RHBDF2: variants seen among roughly 807,000 people sequenced by gnomAD.
RHBDF2 encodes inactive rhomboid protein 2.
RHBDF2 carries 38 observed loss-of-function variants against 95.2 expected under a neutral mutation model. That is an observed-to-expected ratio of 0.40 (90% CI 0.31 to 0.52). The LOEUF (loss-of-function observed/expected upper bound fraction) is 0.52. RHBDF2 is among the 20% of genes least tolerant of loss of function. The pLI, the probability that RHBDF2 is intolerant of heterozygous loss-of-function variation, is 0.56. For missense variants in RHBDF2, 863 were observed against 1,137.7 expected, an observed-to-expected ratio of 0.76 and a Z score of 3.47; for synonymous variants, 442 against 462.0, an observed-to-expected ratio of 0.96 and a Z score of 0.55.
intron 16 of RHBDF2, 43 bp downstream of exon 16, chr17:76,473,209 C>T (rs977275096): frequency 6.3e-7 from 1 of 1,599,328 alleles, no homozygotes. Context: ...GCTGCCATGC[C>T]CAGCGTCCTC....
intron 1 of RHBDF2, among the ~76,000 whole-genome samples, chr17:76,492,543 T>TC (rs1261958632): frequency 2.0e-5 from 3 of 150,618 alleles, no homozygotes; most frequent in East Asian, 3.9e-4. Flanking sequence ...GGTACAAGGG[T>TC]CCCCCCGCCA....
chr17:76,479,546 T>G (rs2073882923), intron 4 of RHBDF2, 187 bp downstream of exon 4: 1 of 738,948 alleles, frequency 1.4e-6, no homozygotes, highest in Non-Finnish European at 2.4e-6. Flanking sequence ...ACCGTGATAT[T>G]CCGCAAAGCA....
At chr17:76,491,441 G>A (rs568466306) in intron 1 of RHBDF2, among the ~76,000 whole-genome samples, 1 of 152,004 alleles carries the variant, frequency 6.6e-6, no homozygotes, top group Admixed American at 6.6e-5. Flanking sequence ...TTGGGGGGGG[G>A]TCCCGAAGAG....
At chr17:76,495,008 A>G (rs1315608256) in intron 1 of RHBDF2, among the ~76,000 whole-genome samples, 2 of 151,122 alleles carry the variant, frequency 1.3e-5, no homozygotes, top group Non-Finnish European at 2.9e-5. Flanking sequence ...GGCCCTGTCC[A>G]TTTGGGGTCA....
chr17:76,476,765 C>T, intron 9 of RHBDF2, 65 bp downstream of exon 9: 1 of 1,498,920 alleles, frequency 6.7e-7, no homozygotes, highest in Non-Finnish European at 8.9e-7. Context: ...GGGGGCGCTT[C>T]AGGAGGGCCC....
chr17:76,474,594 A>AT (rs1386000513), intron 11 of RHBDF2, 60 bp from the exon 12 acceptor site: 2 of 1,610,524 alleles, frequency 1.2e-6, no homozygotes, highest in Non-Finnish European at 1.7e-6. Context: ...GGAGGGGTCC[A>AT]TCACTCCACC....
chr17:76,473,556 T>C, intron 15 of RHBDF2, 92 bp downstream of exon 15: 4 of 1,138,154 alleles, frequency 3.5e-6, no homozygotes, highest in Non-Finnish European at 5.1e-6. Flanking sequence ...CCAGCGGCTG[T>C]GGGTGGTGAC....
At chr17:76,490,754 A>G (rs2074274955) in intron 1 of RHBDF2, among the ~76,000 whole-genome samples, 1 of 151,940 alleles carries the variant, frequency 6.6e-6, no homozygotes. Flanking sequence ...GCCATCCCCA[A>G]GCTCTCACCT....
At position 76,474,128 on chromosome 17, in the gene RHBDF2, A is replaced by G. The variant is rs756109737; in HGVS notation, c.1479T>C (p.Thr493=). 1.9e-6 allele frequency: 3 copies of G among 1,586,502 alleles called. No homozygotes were observed. The South Asian group carries it at 3.4e-5, about 18-fold the overall frequency. ...CAGTGTCATCCTGCCACTTGACAAA[A>G]GTGGCCAAAGTCTCCTGGAGGGCAG... ...QRKDCSETLA[T]FVKWQDDTGP... Residue 493 remains threonine (T), a synonymous_variant, in exon 13 of 19, where the codon ACT becomes ACC. Transcript: ENST00000675367.
Position 76,471,824 on chromosome 17 carries a change from C to T in RHBDF2, c.2293G>A (p.Gly765Ser), listed in dbSNP as rs747226196. The T allele has an allele frequency of 5.1e-5, 82 of 1,599,204 alleles. No individual in the cohort carries two copies. The highest frequency in any genetic ancestry group is 4.1e-4 in the South Asian group (36 of 88,856). Residue 765 changes from glycine (G) to serine (S), a missense_variant, in exon 19 of 19, where the codon GGC (glycine) becomes AGC (serine). This residue lies in a region of RHBDF2 where 252 missense variants were observed against 412.2 expected (regional missense o/e 0.61). Coordinates refer to ENST00000675367, the MANE Select transcript of RHBDF2 (RefSeq NM_001005498.4). ...CGCTTGCGGTACTTGTCGCTGGTGCCGAAGGTGATGTAGGGCAGGAAGGCG... is the reference window on the plus strand; with the variant it reads ...CGCTTGCGGTACTTGTCGCTGGTGCTGAAGGTGATGTAGGGCAGGAAGGCG... The part of the protein sequence containing the change: ...AFAFLPYITF[G>S]TSDKYRKRAL...
rs747526150 is a variant in RHBDF2, at chr17:76,473,645, C to A, written c.1733+3G>T. 2.5e-6 allele frequency: 4 copies of A among 1,602,884 alleles called. No individual in the cohort carries two copies. The East Asian group carries it at 9.0e-5, about 36-fold the overall frequency. ...GGCTGAGGCCAGGGCCCAGGTCGCT[C>A]ACCTGCCCTTGGTGCCGATGCAGCA... On this transcript the variant is annotated splice_donor_region_variant and intron_variant, in intron 15 of 18. Coordinates refer to ENST00000675367, the MANE Select transcript of RHBDF2 (RefSeq NM_001005498.4).
At chr17:76,476,670 C>T (rs1283327948) in intron 9 of RHBDF2, 160 bp downstream of exon 9, 9 of 1,121,006 alleles carry the variant, frequency 8.0e-6, no homozygotes, top group Non-Finnish European at 9.8e-6. Context: ...ATGTGCACAA[C>T]CCTTGGGACA....
chr17:76,486,029 T>C (rs1412348885), intron 2 of RHBDF2, among the ~76,000 whole-genome samples: 1 of 151,768 alleles, frequency 6.6e-6, no homozygotes, highest in Middle Eastern at 3.2e-3. Flanking sequence ...GAAAGCAATC[T>C]GAAACTGTGG....
chr17:76,480,540 A>G (rs1446389581), intron 3 of RHBDF2, among the ~76,000 whole-genome samples: 3 of 151,766 alleles, frequency 2.0e-5, no homozygotes, highest in Non-Finnish European at 4.4e-5. Context: ...ATGTGCCACC[A>G]CACCCAGCTC....
At chr17:76,493,625 G>A (rs1202263265) in intron 1 of RHBDF2, among the ~76,000 whole-genome samples, 1 of 152,134 alleles carries the variant, frequency 6.6e-6, no homozygotes, top group Non-Finnish European at 1.5e-5. Flanking sequence ...GGACTCTGAG[G>A]GTGGGACACC....
intron 2 of RHBDF2, 102 bp downstream of exon 2, chr17:76,487,610 A>G (rs2074175848): frequency 6.6e-6 from 1 of 152,082 alleles, no homozygotes; most frequent in Non-Finnish European, 1.5e-5. Context: ...TTCACTGTCC[A>G]CCGCTGTTCA....
chr17:76,473,552 G>T, intron 15 of RHBDF2, 96 bp downstream of exon 15: 1 of 1,114,416 alleles, frequency 9.0e-7, no homozygotes, highest in Non-Finnish European at 1.3e-6. Flanking sequence ...CGGCCCAGCG[G>T]CTGTGGGTGG....
chr17:76,479,543 T>C (rs1051739257), intron 4 of RHBDF2, 190 bp downstream of exon 4: 8 of 740,924 alleles, frequency 1.1e-5, no homozygotes, highest in African/African-American at 1.0e-4. Context: ...CACACCGTGA[T>C]ATTCCGCAAA....
Position 76,472,680 on chromosome 17 carries a change from C to A in RHBDF2, c.2064+6G>T. On this transcript the variant is annotated splice_donor_region_variant and intron_variant, in intron 18 of 18. Transcript: ENST00000675367. ...GCGGAAGGGGTCCCATCCTCCACAT[C>A]CTTACCTCTGCCCGGTATGGGAGAA... is the stretch of plus-strand genomic sequence containing the variant. 6.2e-7 allele frequency: 1 copy of A among 1,614,006 alleles called. No individual in the cohort carries two copies. Among genetic ancestry groups the A allele is most frequent in the African/African-American group, 1.3e-5 (1 of 75,062 alleles).
Sources: gnomAD v4.1 joint callset for allele counts (sites outside exome capture counted in the v4.1 genomes callset) on GRCh38, gnomAD v4.1.1 for gene constraint, gnomAD v4.1.1 regional missense constraint, MANE v1.5 for transcripts, NCBI Gene and HGNC (gene_info 2026-07-23, HGNC 2026-07-21) for gene names.